PTBP3: variants seen among roughly 807,000 people sequenced by gnomAD.
PTBP3 encodes polypyrimidine tract-binding protein 3.
PTBP3 carries 20 observed loss-of-function variants against 58.7 expected under a neutral mutation model. The observed-to-expected ratio is 0.34, with a 90% CI of 0.24 to 0.50. The LOEUF is 0.50. Ranked by LOEUF, PTBP3 falls within the 20% of genes least tolerant of loss-of-function variation. PTBP3 has a pLI of 0.98. For synonymous variants in PTBP3, 185 were observed against 219.8 expected, an observed-to-expected ratio of 0.84 and a Z score of 1.40; for missense variants, 509 against 637.2, an observed-to-expected ratio of 0.80 and a Z score of 2.17.
At chr9:112,339,321 C>G in the PTBP3 span, among the ~76,000 whole-genome samples, 1 of 140,926 alleles carries the variant, frequency 7.1e-6, no homozygotes, top group Non-Finnish European at 1.5e-5. Context: ...AAAATACAGG[C>G]GTGAATCCTA....
Position 112,223,865 on chromosome 9 carries a change from T to G in PTBP3, c.1561A>C (p.Lys521Gln). The G allele has an allele frequency of 6.2e-7, 1 of 1,613,542 alleles. No individual in the cohort carries two copies. Among genetic ancestry groups the G allele is most frequent in the Non-Finnish European group, 8.5e-7 (1 of 1,179,608 alleles). The change falls in exon 14 of 14, where the codon AAA becomes CAA. Residue 521 changes from lysine (K) to glutamine (Q), a missense_variant. Transcript: ENST00000374257. The part of the protein sequence containing the change: ...ENHHLRVSFS[K>Q]STI ...TCACAGAAAAGTCAGATTGTAGATT[T>G]TGAGAAGGAAACTCTGAGGTGGTGA...
chr9:112,289,303 A>G (rs1249416126), intron 2 of PTBP3, among the ~76,000 whole-genome samples: 1 of 152,208 alleles, frequency 6.6e-6, no homozygotes, highest in African/African-American at 2.4e-5. Context: ...GAACGTGATG[A>G]AAATAAATTT....
chr9:112,366,267 G>A, the PTBP3 span, among the ~76,000 whole-genome samples: 2 of 131,202 alleles, frequency 1.5e-5, no homozygotes, highest in Non-Finnish European at 3.3e-5. Context: ...GGGCAATAGA[G>A]TAAGACTCTG....
intron 2 of PTBP3, among the ~76,000 whole-genome samples, chr9:112,282,872 C>T (rs183853695): frequency 2.4e-4 from 36 of 152,168 alleles, no homozygotes; most frequent in African/African-American, 8.7e-4. Flanking sequence ...CCTGATGTGT[C>T]GAGGGAGGGA....
Position 112,262,407 on chromosome 9 carries a change from T to A in PTBP3, c.516+28A>T, listed in dbSNP as rs370567143. The A allele has an allele frequency of 6.0e-5, 91 of 1,519,326 alleles. 1 individual carries two copies. In the African/African-American group the frequency reaches 1.3e-3, roughly 21 times the overall value. 94.1% of individuals were successfully genotyped at this position (1,519,326 alleles called of 1,614,324 possible). On this transcript the variant is annotated intron_variant, in intron 5 of 13. Coordinates refer to ENST00000374257, the MANE Select transcript of PTBP3 (RefSeq NM_001163788.4). ...TTTCAGAGGCCATATTTAACTTAAC[T>A]TTCTTAAGGGTATTTATTCCTCCTT...
chr9:112,310,839 G>C (rs924526717), intron 1 of PTBP3, among the ~76,000 whole-genome samples: 1 of 152,194 alleles, frequency 6.6e-6, no homozygotes, highest in Non-Finnish European at 1.5e-5. Context: ...AGATATCTGA[G>C]GGAAGAATGT....
At chr9:112,372,523 C>A in the PTBP3 span, among the ~76,000 whole-genome samples, 1 of 152,154 alleles carries the variant, frequency 6.6e-6, no homozygotes, top group Non-Finnish European at 1.5e-5. Flanking sequence ...ATTTTCATCA[C>A]CCCAAAACGA....
In PTBP3 at chr9:112,223,672, T is replaced by C. The variant is rs965222676; in HGVS notation, c.*179A>G. 7.7e-6 allele frequency: 10 copies of C among 1,294,254 alleles called. No homozygotes were observed. The African/African-American group carries it at 1.5e-4, about 20-fold the overall frequency. 80.2% of individuals were successfully genotyped at this position (1,294,254 alleles called of 1,614,324 possible). On this transcript the variant is annotated 3_prime_UTR_variant, in exon 14 of 14. Coordinates refer to ENST00000374257, the MANE Select transcript of PTBP3 (RefSeq NM_001163788.4). ...TAAAAAGGGAAAAGAAACCTTTGAC[T>C]GGCGGGGGCAGGGGGAATACAAAAA...
At chr9:112,346,086 C>T in the PTBP3 span, among the ~76,000 whole-genome samples, 1,169 of 152,090 alleles carry the variant, frequency 7.7e-3, 20 homozygotes, top group African/African-American at 0.027. Flanking sequence ...TCAGGTAATC[C>T]ACCCTTTTTG....
chr9:112,354,207 A>G, the PTBP3 span, among the ~76,000 whole-genome samples: 1 of 152,132 alleles, frequency 6.6e-6, no homozygotes, highest in African/African-American at 2.4e-5. Flanking sequence ...ATTTGTCTTT[A>G]GTGGAAATAA....
intron 7 of PTBP3, among the ~76,000 whole-genome samples, 192 bp downstream of exon 7, chr9:112,250,737 C>T (rs868314718): frequency 1.3e-5 from 2 of 152,096 alleles, no homozygotes; most frequent in African/African-American, 4.8e-5. Context: ...TTCAGATATT[C>T]ATCTGTCAAC....
At chr9:112,290,738 A>ACACAC (rs1564438731) in intron 2 of PTBP3, among the ~76,000 whole-genome samples, 5 of 148,466 alleles carry the variant, frequency 3.4e-5, no homozygotes, top group South Asian at 4.3e-4. Context: ...ACACACACAC[A>ACACAC]ATCAAGTGTT....
intron 1 of PTBP3, among the ~76,000 whole-genome samples, chr9:112,313,045 G>C (rs1325139716): frequency 7.1e-6 from 1 of 140,776 alleles, no homozygotes; most frequent in Non-Finnish European, 1.6e-5. Context: ...CTGTTTCAAA[G>C]AAAAAAAAAA....
chr9:112,369,827 C>T, the PTBP3 span, among the ~76,000 whole-genome samples: 24 of 152,218 alleles, frequency 1.6e-4, no homozygotes, highest in Middle Eastern at 6.8e-3. Context: ...TTGTAGCTCC[C>T]ATAATACCCA....
intron 4 of PTBP3, 73 bp from the exon 5 acceptor site, chr9:112,262,672 TAA>T: frequency 7.4e-7 from 1 of 1,351,928 alleles, no homozygotes; most frequent in Middle Eastern, 1.9e-4. Context: ...TTAGTTGACA[TAA>T]AACAGTATGA....
chr9:112,249,186 T>C (rs1466114793), intron 7 of PTBP3, among the ~76,000 whole-genome samples: 1 of 152,116 alleles, frequency 6.6e-6, no homozygotes. Flanking sequence ...AATTTGGGAC[T>C]GTGGTTATCT....
chr9:112,336,152 G>C (rs1364358869), upstream of PTBP3, among the ~76,000 whole-genome samples: 1 of 152,060 alleles, frequency 6.6e-6, no homozygotes, highest in Non-Finnish European at 1.5e-5. Context: ...GGGATTATAG[G>C]CATGAACCAC....
chr9:112,358,578 G>A, the PTBP3 span, among the ~76,000 whole-genome samples: 71 of 152,266 alleles, frequency 4.7e-4, no homozygotes, highest in African/African-American at 1.7e-3. Context: ...TGACTAGTGA[G>A]CAATGATGTA....
intron 6 of PTBP3, chr9:112,252,301 C>G (rs1010708905): frequency 1.7e-4 from 41 of 245,380 alleles, no homozygotes; most frequent in African/African-American, 9.2e-4. Flanking sequence ...CTCATCTGAT[C>G]TCAGAAGTTA....
Sources: allele counts gnomAD v4.1 joint callset (sites outside exome capture counted in the v4.1 genomes callset), GRCh38; gene constraint gnomAD v4.1.1; transcripts MANE v1.5; gene names NCBI Gene and HGNC (gene_info 2026-07-23, HGNC 2026-07-21).